The following SEM1 variants were observed in gnomAD, a reference collection of about 807,000 sequenced individuals.
The protein encoded by SEM1 is 26S proteasome complex subunit SEM1.
SEM1 carries 3 observed loss-of-function variants against 12.7 expected under a neutral mutation model. That is an observed-to-expected ratio of 0.24 (90% confidence interval 0.11 to 0.61). The LOEUF (loss-of-function observed/expected upper bound fraction) is 0.61. SEM1 is among the 20% of genes least tolerant of loss of function. The pLI, the probability that SEM1 is intolerant of heterozygous loss-of-function variation, is 0.88. For synonymous variants in SEM1, 30 were observed against 27.8 expected, an observed-to-expected ratio of 1.08 and a Z score of -0.25; for missense variants, 59 against 81.3, an observed-to-expected ratio of 0.73 and a Z score of 1.06.
At chr7:96,622,781 C>T in intron 2 of SEM1, 3 of 609,756 alleles carry the variant, frequency 4.9e-6, no homozygotes, top group Non-Finnish European at 8.8e-6. Context: ...TCATGTAATG[C>T]ATGCAACTGT....
chr7:96,541,944 C>CTTTTTTT (rs34050482), intron 2 of SEM1, among the ~76,000 whole-genome samples: 5 of 92,424 alleles, frequency 5.4e-5, no homozygotes, highest in South Asian at 4.0e-4. Context: ...GCCTATGTGT[C>CTTTTTTT]TTTTTTTTTT....
intron 2 of SEM1, among the ~76,000 whole-genome samples, chr7:96,585,138 G>C (rs1806568426): frequency 6.6e-6 from 1 of 152,178 alleles, no homozygotes; most frequent in Non-Finnish European, 1.5e-5. Flanking sequence ...ATGTACAGAT[G>C]GGTTTTTTGG....
chr7:96,525,025 T>G (rs1804405952), intron 2 of SEM1, among the ~76,000 whole-genome samples: 3 of 152,152 alleles, frequency 2.0e-5, no homozygotes, highest in Admixed American at 2.0e-4. Flanking sequence ...TGCTGGTGGC[T>G]GCCATATTGA....
intron 1 of SEM1, among the ~76,000 whole-genome samples, chr7:96,707,784 G>A (rs1790516247): frequency 6.6e-6 from 1 of 152,082 alleles, no homozygotes; most frequent in South Asian, 2.1e-4. Context: ...TGTACCATCA[G>A]GTACATAGTT....
rs144678628 is a variant in SEM1, at chr7:96,604,787, T to C, written c.170+90011A>G. ...TACAAAAATTAGCCAGGCATGGTGG[T>C]GCATGCCTCTAATCCTAGCTACTCA... On this transcript the variant is annotated intron_variant and NMD_transcript_variant, in intron 2 of 3. Transcript: ENST00000466986. 3.9e-3 allele frequency among the ~76,000 whole-genome samples: 587 copies of C among 152,056 alleles called. 3 individuals carry two copies. Among genetic ancestry groups the C allele is most frequent in the African/African-American group, 0.013 (555 of 41,466 alleles).
chr7:96,620,952 C>T (rs1368696741), downstream of SEM1, among the ~76,000 whole-genome samples: 4 of 152,032 alleles, frequency 2.6e-5, no homozygotes, highest in Non-Finnish European at 5.9e-5. Context: ...TGTTTTGGGG[C>T]AGTTGGATTT....
chr7:96,682,948 T>C (rs1789657117), intron 2 of SEM1, among the ~76,000 whole-genome samples: 3 of 151,994 alleles, frequency 2.0e-5, no homozygotes, highest in Non-Finnish European at 2.9e-5. Context: ...AACAAACATA[T>C]GAAAAAGTGC....
intron 2 of SEM1, among the ~76,000 whole-genome samples, chr7:96,585,574 T>C (rs1440103294): frequency 2.6e-5 from 4 of 152,236 alleles, no homozygotes; most frequent in South Asian, 2.1e-4. Flanking sequence ...GCCTCGCTGC[T>C]GCCTTGCAGT....
chr7:96,622,910 G>A, intron 2 of SEM1: 1 of 417,440 alleles, frequency 2.4e-6, no homozygotes, highest in Non-Finnish European at 4.3e-6. Context: ...TGGGGTCAGT[G>A]CCAGTCTTGA....
downstream of SEM1, among the ~76,000 whole-genome samples, chr7:96,668,503 T>C (rs909159759): frequency 1.7e-4 from 26 of 152,196 alleles, no homozygotes; most frequent in African/African-American, 5.8e-4. Context: ...AATGCTTAAA[T>C]AGATATATTC....
chr7:96,557,060 C>T (rs1317340143), intron 2 of SEM1, among the ~76,000 whole-genome samples: 3 of 145,928 alleles, frequency 2.1e-5, no homozygotes, highest in East Asian at 2.1e-4. Context: ...TTAAGCACTT[C>T]TCTGTATTGG....
chr7:96,542,000 T>C (rs942046038), intron 2 of SEM1, among the ~76,000 whole-genome samples: 5 of 148,630 alleles, frequency 3.4e-5, no homozygotes, highest in Admixed American at 2.0e-4. Flanking sequence ...TGTGGCCTTA[T>C]AGTGTAGCTT....
chr7:96,692,887 T>G (rs1789970688), intron 2 of SEM1, among the ~76,000 whole-genome samples: 1 of 151,976 alleles, frequency 6.6e-6, no homozygotes, highest in South Asian at 2.1e-4. Flanking sequence ...ATCTCAAGGC[T>G]CTGGATAATT....
intron 2 of SEM1, among the ~76,000 whole-genome samples, chr7:96,573,214 A>G (rs1350804697): frequency 6.6e-6 from 1 of 151,528 alleles, no homozygotes; most frequent in African/African-American, 2.4e-5. Context: ...TGAATATAGC[A>G]CACTGATGGG....
intron 2 of SEM1, among the ~76,000 whole-genome samples, chr7:96,557,129 G>C (rs1013979712): frequency 6.7e-6 from 1 of 149,804 alleles, no homozygotes; most frequent in Admixed American, 6.7e-5. Flanking sequence ...CTTTTCCTTT[G>C]GTTTGAACGT....
At chr7:96,698,202 A>T (rs1164968961) in intron 1 of SEM1, among the ~76,000 whole-genome samples, 1 of 152,284 alleles carries the variant, frequency 6.6e-6, no homozygotes, top group East Asian at 1.9e-4. Flanking sequence ...AATTAAAAAA[A>T]ATATAAGTCT....
At chr7:96,628,281 AT>A (rs1268444113) in intron 2 of SEM1, among the ~76,000 whole-genome samples, 3 of 151,582 alleles carry the variant, frequency 2.0e-5, no homozygotes, top group East Asian at 3.9e-4. Flanking sequence ...CCATTTTGTT[AT>A]TTGTTTTCTG....
intron 2 of SEM1, among the ~76,000 whole-genome samples, chr7:96,577,960 G>A (rs745617707): frequency 2.0e-5 from 3 of 151,812 alleles, no homozygotes; most frequent in Non-Finnish European, 4.4e-5. Context: ...ATTTGCTTAA[G>A]GAAATAAGAG....
chr7:96,642,487 C>T (rs1229310936), intron 2 of SEM1, among the ~76,000 whole-genome samples: 1 of 151,720 alleles, frequency 6.6e-6, no homozygotes, highest in East Asian at 1.9e-4. Flanking sequence ...TTTCTGTCTC[C>T]CTCTTTTTTT....
Sources: gnomAD v4.1 joint callset for allele counts (sites outside exome capture counted in the v4.1 genomes callset) on GRCh38, gnomAD v4.1.1 for gene constraint, MANE v1.5 for transcripts, NCBI Gene and HGNC (gene_info 2026-07-23, HGNC 2026-07-21) for gene names.